Variants in ZNF345 observed in about 807,000 individuals in gnomAD.
The protein encoded by ZNF345 is zinc finger protein HZF10.
For missense variants in ZNF345, 527 were observed against 589.9 expected, an observed-to-expected ratio of 0.89 and a Z score of 1.10; for synonymous variants, 166 against 187.9, an observed-to-expected ratio of 0.88 and a Z score of 0.95.
intron 3 of ZNF345, chr19:36,889,280 G>C (rs1027333590): frequency 3.8e-4 from 58 of 152,196 alleles, no homozygotes; most frequent in African/African-American, 1.3e-3. Flanking sequence ...TCCTTGCCTG[G>C]CTTCAGTATC....
chr19:36,853,611 T>A (rs1158205114), intron 2 of ZNF345, among the ~76,000 whole-genome samples: 8 of 152,158 alleles, frequency 5.3e-5, no homozygotes, highest in African/African-American at 1.7e-4. Context: ...TAGGGTAGGA[T>A]TGAATTTCAT....
At chr19:36,874,656 G>A (rs1407520243) in intron 2 of ZNF345, among the ~76,000 whole-genome samples, 1 of 152,024 alleles carries the variant, frequency 6.6e-6, no homozygotes, top group African/African-American at 2.4e-5. Flanking sequence ...GCACATGCCT[G>A]TAATCCCAGG....
chr19:36,866,643 G>A (rs956418764), intron 2 of ZNF345, among the ~76,000 whole-genome samples: 1 of 152,130 alleles, frequency 6.6e-6, no homozygotes, highest in African/African-American at 2.4e-5. Flanking sequence ...TCCACCTCCC[G>A]ATTCAAGTGA....
At chr19:36,867,026 T>C (rs1189034694) in intron 2 of ZNF345, among the ~76,000 whole-genome samples, 2 of 152,082 alleles carry the variant, frequency 1.3e-5, no homozygotes, top group Admixed American at 1.3e-4. Flanking sequence ...TACCTAGGAG[T>C]GGAATTGCTG....
At chr19:36,864,530 AT>A (rs921147652) in intron 2 of ZNF345, among the ~76,000 whole-genome samples, 5 of 151,928 alleles carry the variant, frequency 3.3e-5, no homozygotes, top group African/African-American at 1.2e-4. Flanking sequence ...TCTCTAAAAA[AT>A]TTAAAAAAAA....
exon 4 of ZNF345, chr19:36,892,913 G>C (rs1353974556): frequency 2.7e-6 from 3 of 1,107,328 alleles, no homozygotes; most frequent in African/African-American, 3.2e-5. Flanking sequence ...GCCCAGGCAG[G>C]GGTTAAGCTG....
chr19:36,893,028 A>C (rs1481933756), exon 4 of ZNF345: 1 of 403,752 alleles, frequency 2.5e-6, no homozygotes, highest in Non-Finnish European at 4.4e-6. Context: ...ACATATGCTC[A>C]CATGCACAGA....
chr19:36,883,197 A>G (rs560861313), downstream of ZNF345, among the ~76,000 whole-genome samples: 5 of 152,338 alleles, frequency 3.3e-5, no homozygotes, highest in African/African-American at 9.6e-5. Flanking sequence ...ATCTATAGGC[A>G]GGCTTACTCA....
At chr19:36,883,974 A>G (rs1193102497), downstream of ZNF345, among the ~76,000 whole-genome samples, 1 of 152,184 alleles carries the variant, frequency 6.6e-6, no homozygotes, top group Non-Finnish European at 1.5e-5. Context: ...CCAGCTGACT[A>G]CAAATTTGGG....
At position 36,876,771 on chromosome 19, in the gene ZNF345, A is replaced by G; in HGVS notation, c.-46-14A>G. ...CACAAAAAAGTGAATGTTTGCTTTT[A>G]TATTTTCTTTCAGACTATGAATCAA... is the stretch of plus-strand genomic sequence containing the variant. On this transcript the variant is annotated splice_polypyrimidine_tract_variant and intron_variant, in intron 2 of 2. Coordinates refer to ENST00000420450, the MANE Select transcript of ZNF345 (RefSeq NM_001242472.2). The G allele has an allele frequency of 6.7e-7, 1 of 1,490,228 alleles. No homozygotes were observed. Among genetic ancestry groups the G allele is most frequent in the Admixed American group, 2.2e-5 (1 of 44,716 alleles). 92.3% of individuals were successfully genotyped at this position (1,490,228 alleles called of 1,614,324 possible).
In ZNF345 at chr19:36,878,333, C is replaced by T; in HGVS notation, c.*36C>T. On this transcript the variant is annotated 3_prime_UTR_variant, in exon 3 of 3. Coordinates refer to ENST00000420450, the MANE Select transcript of ZNF345 (RefSeq NM_001242472.2). ...TGAAGGAAGGACTCTAAACATATGA[C>T]TTAAGAAAATTCATAGTGGTGAAAA... 1 of 1,514,340 alleles carries T rather than the reference C, an allele frequency of 6.6e-7. No individual in the cohort carries two copies. The highest frequency in any genetic ancestry group is 8.8e-7 in the Non-Finnish European group (1 of 1,134,028). 93.8% of individuals were successfully genotyped at this position (1,514,340 alleles called of 1,614,324 possible).
chr19:36,869,194 C>T (rs2072725485), intron 2 of ZNF345, among the ~76,000 whole-genome samples: 2 of 152,050 alleles, frequency 1.3e-5, no homozygotes, highest in South Asian at 4.1e-4. Context: ...CCTCCCCCTC[C>T]CCCCTTCATT....
chr19:36,853,600 A>G (rs531870), intron 2 of ZNF345, among the ~76,000 whole-genome samples: 56,530 of 151,964 alleles, frequency 0.37, 12,040 homozygotes, highest in East Asian at 0.61. Context: ...TGGAATTTTT[A>G]TAGGGTAGGA....
intron 3 of ZNF345, chr19:36,892,050 T>C (rs1453875114): frequency 6.2e-7 from 1 of 1,613,568 alleles, no homozygotes; most frequent in South Asian, 1.1e-5. Flanking sequence ...ACTTAAAGGC[T>C]TTTCCACATT....
At position 36,851,879 on chromosome 19, in the gene ZNF345, T is replaced by C. The variant is rs202156299; in HGVS notation, c.-72T>C. The C allele has an allele frequency of 6.6e-6, 1 of 152,320 alleles. No homozygotes were observed. The highest frequency in any genetic ancestry group is 2.1e-4 in the South Asian group (1 of 4,832). 9.4% of individuals were successfully genotyped at this position (152,320 alleles called of 1,614,324 possible). Reference sequence around the variant, plus strand: ...TCCGAACAGGAGTAAAGAATGGCTGTTGAACATCCACAAGGCACCTGCAAG... The same window carrying C: ...TCCGAACAGGAGTAAAGAATGGCTGCTGAACATCCACAAGGCACCTGCAAG... On this transcript the variant is annotated 5_prime_UTR_variant, in exon 2 of 3. Transcript: ENST00000420450.
intron 2 of ZNF345, among the ~76,000 whole-genome samples, chr19:36,861,950 C>T (rs768845812): frequency 5.5e-4 from 83 of 151,572 alleles, no homozygotes; most frequent in Non-Finnish European, 9.9e-4. Context: ...TAACCTCTGC[C>T]TCCCTGTTCC....
At chr19:36,888,793 T>C in intron 3 of ZNF345, 1 of 152,190 alleles carries the variant, frequency 6.6e-6, no homozygotes, top group Non-Finnish European at 1.5e-5. Flanking sequence ...CCTCCCACAT[T>C]CAAGCAATTT....
At chr19:36,872,836 G>A (rs1441486784) in intron 2 of ZNF345, 6 of 152,128 alleles carry the variant, frequency 3.9e-5, no homozygotes, top group Non-Finnish European at 8.8e-5. Context: ...GTGAGATCAA[G>A]TGAATATCCT....
chr19:36,865,527 CT>C (rs952364185), intron 2 of ZNF345, among the ~76,000 whole-genome samples: 9 of 152,102 alleles, frequency 5.9e-5, no homozygotes, highest in Admixed American at 3.9e-4. Context: ...GTAGTTCGAT[CT>C]CGGCTCACTG....
Sources: gnomAD v4.1 joint callset for allele counts (sites outside exome capture counted in the v4.1 genomes callset) on GRCh38, gnomAD v4.1.1 for gene constraint, MANE v1.5 for transcripts, NCBI Gene and HGNC (gene_info 2026-07-23, HGNC 2026-07-21) for gene names.